CDH12: variants seen among roughly 807,000 people sequenced by gnomAD.
The protein encoded by CDH12 is cadherin 12, also known as cadherin-12.
Under a neutral mutation model 74.1 loss-of-function variants are expected in CDH12, and 41 were observed. That is an observed-to-expected ratio of 0.55 (90% CI 0.43 to 0.72). The LOEUF (loss-of-function observed/expected upper bound fraction) is 0.72. Ranked by LOEUF, CDH12 falls within the 30% of genes least tolerant of loss-of-function variation. CDH12 has a pLI of 0.00. For synonymous variants in CDH12, 399 were observed against 355.0 expected (o/e 1.12, Z -1.39); for missense variants, 945 against 977.2 (o/e 0.97, Z 0.44).
At chr5:22,725,861 T>A (rs771337830) in intron 1 of CDH12, among the ~76,000 whole-genome samples, 24 of 151,744 alleles carry the variant, frequency 1.6e-4, no homozygotes, top group Non-Finnish European at 3.1e-4. Flanking sequence ...ATGTAAAACA[T>A]AAATATATGT....
intron 3 of CDH12, among the ~76,000 whole-genome samples, chr5:22,375,991 C>G (rs1741506226): frequency 6.6e-6 from 1 of 152,070 alleles, no homozygotes; most frequent in Non-Finnish European, 1.5e-5. Context: ...ATCTGTATAC[C>G]AAGGGGACAC....
chr5:21,918,407 T>G (rs1215692347), intron 6 of CDH12, among the ~76,000 whole-genome samples: 1 of 152,114 alleles, frequency 6.6e-6, no homozygotes, highest in Non-Finnish European at 1.5e-5. Context: ...GCATTTGTAT[T>G]GGTCCATTCT....
chr5:22,138,388 C>A (rs1442209683), intron 4 of CDH12, among the ~76,000 whole-genome samples: 3 of 151,456 alleles, frequency 2.0e-5, no homozygotes, highest in African/African-American at 7.3e-5. Context: ...ATATTTAAAA[C>A]CAATTCAGAA....
At chr5:22,842,777 T>G (rs188462937) in intron 1 of CDH12, among the ~76,000 whole-genome samples, 1 of 152,270 alleles carries the variant, frequency 6.6e-6, no homozygotes, top group Non-Finnish European at 1.5e-5. Flanking sequence ...TGAGAGGTTT[T>G]AATATTTTTG....
chr5:22,031,295 C>A (rs952265745), intron 5 of CDH12, among the ~76,000 whole-genome samples: 1 of 150,400 alleles, frequency 6.6e-6, no homozygotes, highest in African/African-American at 2.5e-5. Flanking sequence ...GATCCTGCCA[C>A]TGAACTCCAG....
chr5:22,529,180 TATATATATAGAG>T (rs1737450896), intron 1 of CDH12, among the ~76,000 whole-genome samples: 2 of 86,470 alleles, frequency 2.3e-5, no homozygotes, highest in African/African-American at 8.3e-5. Context: ...TATATATATA[TATATATATAGAG>T]AGAGAGAGAG....
At chr5:22,678,050 G>C (rs145066777) in intron 1 of CDH12, among the ~76,000 whole-genome samples, 16 of 151,422 alleles carry the variant, frequency 1.1e-4, no homozygotes, top group South Asian at 6.3e-4. Context: ...CTCATGGGGG[G>C]GGGGGTTAGG....
intron 3 of CDH12, among the ~76,000 whole-genome samples, chr5:22,312,558 C>T (rs1365453691): frequency 6.6e-6 from 1 of 152,052 alleles, no homozygotes; most frequent in Non-Finnish European, 1.5e-5. Context: ...TACTTTATTG[C>T]TGCAAATATT....
At chr5:22,772,345 A>C (rs1746849243) in intron 1 of CDH12, among the ~76,000 whole-genome samples, 1 of 152,068 alleles carries the variant, frequency 6.6e-6, no homozygotes, top group Admixed American at 6.6e-5. Flanking sequence ...ATGAAGAAAG[A>C]ATGATGTCGG....
intron 1 of CDH12, among the ~76,000 whole-genome samples, chr5:22,707,054 T>A (rs1387756293): frequency 6.6e-6 from 1 of 152,140 alleles, no homozygotes; most frequent in Non-Finnish European, 1.5e-5. Context: ...TTTGAACTGA[T>A]CAGTCATCTG....
At chr5:22,786,733 T>C (rs976787829) in intron 1 of CDH12, among the ~76,000 whole-genome samples, 4 of 152,072 alleles carry the variant, frequency 2.6e-5, no homozygotes, top group Non-Finnish European at 4.4e-5. Flanking sequence ...TTTTTTTCTT[T>C]TTGAGATGGT....
intron 3 of CDH12, among the ~76,000 whole-genome samples, chr5:22,309,502 C>T (rs928083703): frequency 7.2e-5 from 11 of 151,990 alleles, no homozygotes; most frequent in Admixed American, 2.0e-4. Flanking sequence ...CATGATGTCT[C>T]GATATACATA....
intron 9 of CDH12, among the ~76,000 whole-genome samples, chr5:21,813,439 C>T (rs1747864148): frequency 6.6e-6 from 1 of 152,112 alleles, no homozygotes; most frequent in African/African-American, 2.4e-5. Flanking sequence ...GAGATCCCTC[C>T]ATTGCACTCC....
chr5:22,355,171 AC>A (rs1172974707), intron 3 of CDH12, among the ~76,000 whole-genome samples: 1 of 118,192 alleles, frequency 8.5e-6, no homozygotes, highest in Admixed American at 9.5e-5. Context: ...TATCATAATG[AC>A]TGTCATTACT....
Position 22,078,751 on chromosome 5 carries a change from G to A in CDH12, c.-75C>T. 5 of 1,561,528 alleles carry A rather than the reference G, an allele frequency of 3.2e-6. No homozygotes were observed. The South Asian group carries it at 5.9e-5, about 19-fold the overall frequency. On this transcript the variant is annotated 5_prime_UTR_variant, in exon 5 of 15. Transcript: ENST00000382254. ...TAGAATTGTGGAATCCAGGTTTGAG[G>A]TGTCTGTGGCCTCCACCACTTAGCT...
At chr5:22,342,607 CTTTT>C (rs1393211327) in intron 3 of CDH12, among the ~76,000 whole-genome samples, 2 of 115,076 alleles carry the variant, frequency 1.7e-5, no homozygotes, top group Non-Finnish European at 3.4e-5. Context: ...CTCTTTCTTA[CTTTT>C]TTCTTTCTTT....
chr5:22,839,939 A>T (rs1171898691), intron 1 of CDH12, among the ~76,000 whole-genome samples: 1 of 152,148 alleles, frequency 6.6e-6, no homozygotes, highest in Non-Finnish European at 1.5e-5. Context: ...AATAAGTTAA[A>T]ACTCTGATTT....
chr5:21,986,654 G>A (rs866020793), intron 5 of CDH12, among the ~76,000 whole-genome samples: 42 of 152,164 alleles, frequency 2.8e-4, no homozygotes, highest in South Asian at 1.7e-3. Flanking sequence ...TTGAATAACA[G>A]TAAATTTGAT....
At chr5:22,557,661 A>T (rs10056779) in intron 1 of CDH12, among the ~76,000 whole-genome samples, 24,230 of 152,044 alleles carry the variant, frequency 0.16, 2,512 homozygotes, top group East Asian at 0.37. Flanking sequence ...TATTCAGGCC[A>T]AATTTGAACA....
Sources: allele counts gnomAD v4.1 joint callset (sites outside exome capture counted in the v4.1 genomes callset), GRCh38; gene constraint gnomAD v4.1.1; transcripts MANE v1.5; gene names NCBI Gene and HGNC (gene_info 2026-07-23, HGNC 2026-07-21).